SNX29: variants seen among roughly 807,000 people sequenced by gnomAD.
SNX29 encodes the protein sorting nexin 29.
SNX29 carries 78 observed loss-of-function variants against 102.1 expected under a neutral mutation model. The observed-to-expected ratio is 0.76, with a 90% CI of 0.64 to 0.92. The LOEUF (loss-of-function observed/expected upper bound fraction) is 0.92, where lower values mean the gene tolerates loss of function less well. Ranked by LOEUF, SNX29 falls within the 40% of genes least tolerant of loss-of-function variation. The pLI is 0.00. For synonymous variants in SNX29, 580 were observed against 414.5 expected (o/e 1.40, Z -4.85); for missense variants, 1,280 against 1,061.7 (o/e 1.21, Z -2.86).
intron 14 of SNX29, among the ~76,000 whole-genome samples, chr16:12,213,531 T>C (rs2077243075): frequency 6.6e-6 from 1 of 152,140 alleles, no homozygotes; most frequent in African/African-American, 2.4e-5. Context: ...TTGTTTGCAG[T>C]TTAAAAGTGA....
At chr16:12,544,119 C>G (rs1474131392) in intron 20 of SNX29, among the ~76,000 whole-genome samples, 3 of 152,216 alleles carry the variant, frequency 2.0e-5, no homozygotes, top group African/African-American at 4.8e-5. Flanking sequence ...TTAAGGAAAA[C>G]AAGTCCATAA....
chr16:12,115,714 C>T (rs1009523846), intron 11 of SNX29, among the ~76,000 whole-genome samples: 1 of 152,214 alleles, frequency 6.6e-6, no homozygotes, highest in African/African-American at 2.4e-5. Flanking sequence ...ATCTAATTAA[C>T]ACCTGTACTC....
chr16:12,566,028 C>G (rs911835288), intron 20 of SNX29, among the ~76,000 whole-genome samples: 3 of 152,214 alleles, frequency 2.0e-5, no homozygotes, highest in Non-Finnish European at 4.4e-5. Flanking sequence ...GGTGGTGACA[C>G]AGGTCATGTG....
At chr16:12,059,876 C>T (rs888026593) in intron 8 of SNX29, among the ~76,000 whole-genome samples, 19 of 152,196 alleles carry the variant, frequency 1.2e-4, no homozygotes, top group African/African-American at 4.3e-4. Flanking sequence ...ACCTGGGCTC[C>T]AGTCCCACAG....
intron 13 of SNX29, among the ~76,000 whole-genome samples, chr16:12,130,659 C>A (rs776109172): frequency 3.3e-5 from 5 of 152,030 alleles, no homozygotes; most frequent in Admixed American, 6.6e-5. Context: ...GTCATTGTTA[C>A]TGTTCCCAGA....
intron 20 of SNX29, among the ~76,000 whole-genome samples, chr16:12,538,407 AATG>A (rs1328159801): frequency 1.4e-4 from 21 of 152,278 alleles, no homozygotes; most frequent in South Asian, 4.1e-4. Flanking sequence ...GCACTTTTAA[AATG>A]ATGTCTGGGA....
Position 12,199,136 on chromosome 16 carries a change from A to G in SNX29, c.1596-465A>G, listed in dbSNP as rs114577522. ...TTGGAAGGATTCAAGGAGATTCTATACAGACACTTGACATGATGCCTGGCA... is the reference window on the plus strand; with the variant it reads ...TTGGAAGGATTCAAGGAGATTCTATGCAGACACTTGACATGATGCCTGGCA... On this transcript the variant is annotated intron_variant, in intron 13 of 20. Transcript: ENST00000566228. Among the ~76,000 whole-genome samples, 50 of 152,326 alleles carry G rather than the reference A, an allele frequency of 3.3e-4. 1 individual carries two copies. Among genetic ancestry groups the G allele is most frequent in the African/African-American group, 1.2e-3 (49 of 41,564 alleles).
At chr16:12,503,232 C>T (rs1273564083) in intron 19 of SNX29, among the ~76,000 whole-genome samples, 3 of 152,132 alleles carry the variant, frequency 2.0e-5, no homozygotes, top group East Asian at 1.9e-4. Context: ...TCCTTCCCTG[C>T]GACGTTCCTT....
At chr16:11,993,164 C>CATAA (rs34364875) in intron 1 of SNX29, among the ~76,000 whole-genome samples, 50,376 of 146,360 alleles carry the variant, frequency 0.34, 9,047 homozygotes, top group East Asian at 0.52. Context: ...GACTCTGTCT[C>CATAA]ATAAATAAAT....
At chr16:12,482,727 T>C (rs2088005028) in intron 19 of SNX29, among the ~76,000 whole-genome samples, 1 of 152,240 alleles carries the variant, frequency 6.6e-6, no homozygotes, top group African/African-American at 2.4e-5. Context: ...CCTTTCTCAT[T>C]TGTCAGATGA....
At chr16:12,186,678 G>T (rs1164488142) in intron 13 of SNX29, among the ~76,000 whole-genome samples, 6 of 152,176 alleles carry the variant, frequency 3.9e-5, no homozygotes, top group Admixed American at 2.6e-4. Context: ...TTAATCTGGG[G>T]AACACCTCCA....
At chr16:12,559,917 T>C (rs1448494408) in intron 20 of SNX29, among the ~76,000 whole-genome samples, 1 of 152,140 alleles carries the variant, frequency 6.6e-6, no homozygotes, top group Non-Finnish European at 1.5e-5. Context: ...AGGTGGAGCT[T>C]GCAGTGAGTC....
chr16:12,105,921 T>C lies in SNX29; in HGVS notation c.1403-20712T>C, dbSNP rs527410741. On this transcript the variant is annotated intron_variant, in intron 11 of 20. Transcript: ENST00000566228. ...CCATATTTACCAGCGAGCTCAGCGG[T>C]GGGCGTCCTGGCTGGCCCAGCATGA... Among the ~76,000 whole-genome samples the C allele has an allele frequency of 6.2e-4, 94 of 152,268 alleles. No individual in the cohort carries two copies. In the South Asian group the frequency reaches 7.3e-3, roughly 12 times the overall value.
chr16:12,081,601 A>G, intron 11 of SNX29: 1 of 134,902 alleles, frequency 7.4e-6, no homozygotes, highest in African/African-American at 2.8e-5. Flanking sequence ...AAACCCCGGG[A>G]GGTGGAGGTT....
At chr16:12,143,389 G>C (rs1379688178) in intron 13 of SNX29, among the ~76,000 whole-genome samples, 2 of 151,014 alleles carry the variant, frequency 1.3e-5, no homozygotes, top group African/African-American at 2.4e-5. Flanking sequence ...GTATGGGGCA[G>C]GTGTGGACTT....
chr16:12,296,301 G>C (rs190024885), intron 15 of SNX29, among the ~76,000 whole-genome samples: 1 of 152,206 alleles, frequency 6.6e-6, no homozygotes, highest in Non-Finnish European at 1.5e-5. Context: ...TGATAAAATC[G>C]AGTGGATAAA....
Position 12,202,834 on chromosome 16 carries a change from C to T in SNX29, c.1678+3151C>T, listed in dbSNP as rs115840239. ...TGCAGAGAGGCCCCTTGGCAGCTCACTGAGGGGTCTGGGGAGAGCAGGTGC... is the reference window on the plus strand; with the variant it reads ...TGCAGAGAGGCCCCTTGGCAGCTCATTGAGGGGTCTGGGGAGAGCAGGTGC... On this transcript the variant is annotated intron_variant, in intron 14 of 20. Coordinates refer to ENST00000566228, the MANE Select transcript of SNX29 (RefSeq NM_032167.5). 5.2e-3 allele frequency among the ~76,000 whole-genome samples: 799 copies of T among 152,376 alleles called. 7 individuals carry two copies. The highest frequency in any genetic ancestry group is 0.019 in the African/African-American group (774 of 41,586).
intron 15 of SNX29, among the ~76,000 whole-genome samples, chr16:12,352,513 T>TA (rs112646643): frequency 1.0e-4 from 15 of 148,498 alleles, no homozygotes; most frequent in East Asian, 2.0e-4. Context: ...ACTTAAAGTA[T>TA]AAAAAAAAAA....
chr16:11,988,382 C>A (rs1457934788), intron 1 of SNX29, among the ~76,000 whole-genome samples: 1 of 151,338 alleles, frequency 6.6e-6, no homozygotes, highest in Non-Finnish European at 1.5e-5. Flanking sequence ...ATTTGCATTT[C>A]TCCAACCAGG....
Sources: gnomAD v4.1 joint callset for allele counts (sites outside exome capture counted in the v4.1 genomes callset) on GRCh38, gnomAD v4.1.1 for gene constraint, MANE v1.5 for transcripts, NCBI Gene and HGNC (gene_info 2026-07-23, HGNC 2026-07-21) for gene names.